The following XPR1 variants were observed in gnomAD, a reference collection of about 807,000 sequenced individuals.
XPR1 encodes the protein xenotropic and polytropic retrovirus receptor 1, also known as solute carrier family 53 member 1.
XPR1 carries 28 observed loss-of-function variants against 87.5 expected under a neutral mutation model. The ratio of observed to expected loss-of-function variants is 0.32; its 90% confidence interval spans 0.24 to 0.44. XPR1 has a LOEUF of 0.44. Ranked by LOEUF, XPR1 falls within the 20% of genes least tolerant of loss-of-function variation. The pLI, the probability that XPR1 is intolerant of heterozygous loss-of-function variation, is 1.00. For missense variants in XPR1, 559 were observed against 862.3 expected (o/e 0.65, Z 4.41); for synonymous variants, 300 against 306.1 (o/e 0.98, Z 0.21).
At chr1:180,680,596 C>G (rs1221199153) in intron 1 of XPR1, among the ~76,000 whole-genome samples, 1 of 152,050 alleles carries the variant, frequency 6.6e-6, no homozygotes. Flanking sequence ...ATCTTTTGAC[C>G]TCGTGATCCG....
At chr1:180,793,480 G>A (rs200047678) in intron 3 of XPR1, among the ~76,000 whole-genome samples, 1 of 146,536 alleles carries the variant, frequency 6.8e-6, no homozygotes, top group South Asian at 2.2e-4. Flanking sequence ...GGCTGGTTTT[G>A]TTCTTTGCTC....
intron 2 of XPR1, among the ~76,000 whole-genome samples, chr1:180,706,997 T>C (rs1448923615): frequency 6.6e-6 from 1 of 152,190 alleles, no homozygotes; most frequent in Non-Finnish European, 1.5e-5. Context: ...CATATGTTTT[T>C]CTAGCTAATT....
At chr1:180,725,857 A>G (rs73034855) in intron 2 of XPR1, among the ~76,000 whole-genome samples, 6,553 of 152,320 alleles carry the variant, frequency 0.043, 504 homozygotes, top group African/African-American at 0.15. Context: ...TGTGCCCTTA[A>G]GCAAGTTTTG....
At chr1:180,829,592 GGT>G (rs1253157793) in intron 9 of XPR1, among the ~76,000 whole-genome samples, 1 of 152,094 alleles carries the variant, frequency 6.6e-6, no homozygotes, top group Non-Finnish European at 1.5e-5. Context: ...TCTATAATAT[GGT>G]GCTATAATTA....
chr1:180,740,898 A>G (rs1289045543), intron 2 of XPR1, among the ~76,000 whole-genome samples: 1 of 152,212 alleles, frequency 6.6e-6, no homozygotes, highest in Non-Finnish European at 1.5e-5. Context: ...GTGTCCTCAC[A>G]TGGTAAAAGG....
intron 3 of XPR1, among the ~76,000 whole-genome samples, chr1:180,793,579 G>A (rs1205423169): frequency 1.3e-5 from 2 of 151,972 alleles, no homozygotes; most frequent in African/African-American, 4.8e-5. Flanking sequence ...ATGTGTTAAC[G>A]TATCTTCCTG....
chr1:180,850,085 T>G (rs987718404), intron 11 of XPR1, among the ~76,000 whole-genome samples: 2 of 152,224 alleles, frequency 1.3e-5, no homozygotes, highest in African/African-American at 4.8e-5. Flanking sequence ...TGTGAGTAGG[T>G]GTTTCAGAAG....
At chr1:180,647,565 G>A (rs1350823119) in intron 1 of XPR1, among the ~76,000 whole-genome samples, 3 of 152,132 alleles carry the variant, frequency 2.0e-5, no homozygotes, top group African/African-American at 7.2e-5. Flanking sequence ...TCTAAGGAAA[G>A]CAGCCTTGGC....
intron 2 of XPR1, among the ~76,000 whole-genome samples, chr1:180,768,709 A>T (rs1268966620): frequency 6.6e-6 from 1 of 152,250 alleles, no homozygotes; most frequent in African/African-American, 2.4e-5. Flanking sequence ...TGTAAATTGT[A>T]TAATAAAGTT....
chr1:180,879,318 A>G (rs908358827), intron 13 of XPR1, among the ~76,000 whole-genome samples: 1 of 152,186 alleles, frequency 6.6e-6, no homozygotes, highest in Admixed American at 6.5e-5. Context: ...ATTCAGCAGG[A>G]CCTTTTTCAA....
chr1:180,664,026 C>T (rs1655873912), intron 1 of XPR1, among the ~76,000 whole-genome samples: 1 of 152,156 alleles, frequency 6.6e-6, no homozygotes, highest in South Asian at 2.1e-4. Flanking sequence ...ACTCACGCTT[C>T]AGGTCAGTGG....
At chr1:180,636,393 T>C (rs1049063000) in intron 1 of XPR1, among the ~76,000 whole-genome samples, 1 of 152,234 alleles carries the variant, frequency 6.6e-6, no homozygotes, top group Non-Finnish European at 1.5e-5. Flanking sequence ...ATGAGATGGT[T>C]GGCATTTACA....
At chr1:180,844,463 T>C (rs1651613341) in intron 11 of XPR1, among the ~76,000 whole-genome samples, 1 of 152,002 alleles carries the variant, frequency 6.6e-6, no homozygotes, top group South Asian at 2.1e-4. Flanking sequence ...AGACCTTGAG[T>C]TCCTGCTAAG....
chr1:180,668,721 A>T (rs1656053256), intron 1 of XPR1, among the ~76,000 whole-genome samples: 1 of 152,062 alleles, frequency 6.6e-6, no homozygotes, highest in African/African-American at 2.4e-5. Flanking sequence ...TTCAAGTTTT[A>T]TTTCTGTTAA....
At chr1:180,666,613 G>C (rs1436734861) in intron 1 of XPR1, among the ~76,000 whole-genome samples, 2 of 152,094 alleles carry the variant, frequency 1.3e-5, no homozygotes, top group Non-Finnish European at 2.9e-5. Flanking sequence ...TCAGATTGTT[G>C]GTTGTTAGTG....
At chr1:180,768,487 TTC>T (rs1161177502) in intron 2 of XPR1, among the ~76,000 whole-genome samples, 2 of 152,254 alleles carry the variant, frequency 1.3e-5, no homozygotes, top group Admixed American at 6.5e-5. Context: ...ATTTATGTAA[TTC>T]TCTGTGACTG....
At chr1:180,681,113 A>G (rs1214853632) in intron 1 of XPR1, among the ~76,000 whole-genome samples, 8 of 152,196 alleles carry the variant, frequency 5.3e-5, no homozygotes, top group Non-Finnish European at 1.2e-4. Flanking sequence ...ATAGAATTAC[A>G]GCTAGATAGG....
chr1:180,845,885 T>C (rs1651664511), intron 11 of XPR1, among the ~76,000 whole-genome samples: 1 of 152,216 alleles, frequency 6.6e-6, no homozygotes, highest in Non-Finnish European at 1.5e-5. Context: ...AAAACTAACA[T>C]ATTAATGTTG....
intron 1 of XPR1, 21 bp from the exon 2 acceptor site, chr1:180,682,339 G>T: frequency 1.3e-6 from 2 of 1,563,352 alleles, no homozygotes; most frequent in South Asian, 1.2e-5. Context: ...TTCATATATT[G>T]TTTTTCTTTC....
Sources: gnomAD v4.1 joint callset for allele counts (sites outside exome capture counted in the v4.1 genomes callset) on GRCh38, gnomAD v4.1.1 for gene constraint, MANE v1.5 for transcripts, NCBI Gene and HGNC (gene_info 2026-07-23, HGNC 2026-07-21) for gene names.